The following SEMA5A variants were observed in gnomAD, a reference collection of about 807,000 sequenced individuals.
SEMA5A encodes semaphorin-5A.
In SEMA5A, 55 loss-of-function variants were observed where a neutral mutation model predicts 135.5. That is an observed-to-expected ratio of 0.41 (90% CI 0.33 to 0.51). SEMA5A has a LOEUF of 0.51. Among genes scored for constraint, SEMA5A ranks in the 20% least tolerant of loss-of-function variants. The pLI, the probability that SEMA5A is intolerant of heterozygous loss-of-function variation, is 0.37. For missense variants in SEMA5A, 1,290 were observed against 1,419.9 expected (o/e 0.91, Z 1.47); for synonymous variants, 580 against 546.5 (o/e 1.06, Z -0.85).
chr5:9,282,836 G>A (rs1415248511), intron 5 of SEMA5A, among the ~76,000 whole-genome samples: 1 of 152,136 alleles, frequency 6.6e-6, no homozygotes, highest in Non-Finnish European at 1.5e-5. Context: ...TAAAACCTGT[G>A]ACCATGTTAT....
intron 1 of SEMA5A, among the ~76,000 whole-genome samples, chr5:9,449,839 T>C (rs1758570741): frequency 6.6e-6 from 1 of 152,124 alleles, no homozygotes. Flanking sequence ...TTCTTACAAG[T>C]TGCTAGAGAA....
chr5:9,304,153 G>A lies in SEMA5A; in HGVS notation c.270+14219C>T, dbSNP rs187647753. On this transcript the variant is annotated intron_variant, in intron 5 of 22. Transcript: ENST00000382496. The stretch of plus-strand genomic sequence containing the variant: ...ATTGGAGCAGTTTTCTTGGATGCCT[G>A]TTTTCTCTTGTATACCTATTTATCT... Among the ~76,000 whole-genome samples, 7 of 152,096 alleles carry A rather than the reference G, an allele frequency of 4.6e-5. No homozygotes were observed. In the East Asian group the frequency reaches 1.2e-3, roughly 25 times the overall value.
intron 15 of SEMA5A, among the ~76,000 whole-genome samples, chr5:9,111,290 A>G (rs918254845): frequency 6.6e-6 from 1 of 152,174 alleles, no homozygotes; most frequent in African/African-American, 2.4e-5. Flanking sequence ...CCTAAAAACA[A>G]CAACAAAAAA....
rs576759343 is a variant in SEMA5A, at chr5:9,399,540, CAGT to C, written c.-77-19520_-77-19518del. Among the ~76,000 whole-genome samples, 265 of 152,176 alleles carry C rather than the reference CAGT, an allele frequency of 1.7e-3. 4 individuals carry two copies. Among genetic ancestry groups the C allele is most frequent in the African/African-American group, 6.1e-3 (254 of 41,528 alleles). On this transcript the variant is annotated intron_variant, in intron 2 of 22. Transcript: ENST00000382496. ...ATCAGAATGTTCTAAATTTAGATAA[CAGT>C]GGTGGTTACACAGCTCTGTGAATGT...
intron 1 of SEMA5A, among the ~76,000 whole-genome samples, chr5:9,499,187 A>C (rs772608789): frequency 6.6e-6 from 1 of 152,216 alleles, no homozygotes; most frequent in Non-Finnish European, 1.5e-5. Context: ...ACTCTTCACA[A>C]TAATCCAAGT....
At chr5:9,111,616 A>G (rs1262737642) in intron 15 of SEMA5A, among the ~76,000 whole-genome samples, 2 of 152,192 alleles carry the variant, frequency 1.3e-5, no homozygotes, top group African/African-American at 4.8e-5. Flanking sequence ...TCCATGAAAC[A>G]AGCCACACCA....
intron 8 of SEMA5A, among the ~76,000 whole-genome samples, chr5:9,221,802 G>T (rs538964453): frequency 2.0e-5 from 3 of 152,292 alleles, no homozygotes; most frequent in South Asian, 4.1e-4. Flanking sequence ...AAACCCTTTA[G>T]AACCTAACAT....
intron 5 of SEMA5A, among the ~76,000 whole-genome samples, chr5:9,312,738 A>AT (rs932950104): frequency 3.3e-5 from 5 of 151,924 alleles, no homozygotes; most frequent in East Asian, 1.9e-4. Context: ...AAAAGACAAG[A>AT]TTTTTTTTGG....
chr5:9,445,903 T>G (rs1758415945), intron 1 of SEMA5A, among the ~76,000 whole-genome samples: 1 of 152,122 alleles, frequency 6.6e-6, no homozygotes, highest in Non-Finnish European at 1.5e-5. Flanking sequence ...CTTCTACAAG[T>G]TGTATCCAAA....
intron 11 of SEMA5A, among the ~76,000 whole-genome samples, chr5:9,156,922 G>A (rs1423266899): frequency 6.6e-6 from 1 of 152,244 alleles, no homozygotes; most frequent in Non-Finnish European, 1.5e-5. Flanking sequence ...ATCTGTGATA[G>A]TTTGACTTAA....
intron 2 of SEMA5A, among the ~76,000 whole-genome samples, chr5:9,425,992 G>C (rs2126642441): frequency 6.6e-6 from 1 of 152,274 alleles, no homozygotes; most frequent in East Asian, 1.9e-4. Flanking sequence ...GAACCTGCAT[G>C]CTTGTTGAGA....
intron 16 of SEMA5A, among the ~76,000 whole-genome samples, chr5:9,105,462 T>A (rs1014642571): frequency 3.3e-5 from 5 of 152,224 alleles, no homozygotes; most frequent in Admixed American, 6.5e-5. Flanking sequence ...AAATTGAGGT[T>A]TTTATACTTT....
At chr5:9,087,331 T>C (rs1271464317) in intron 16 of SEMA5A, among the ~76,000 whole-genome samples, 1 of 152,196 alleles carries the variant, frequency 6.6e-6, no homozygotes, top group African/African-American at 2.4e-5. Flanking sequence ...CATATGGCAA[T>C]GATATAAAAC....
chr5:9,523,678 T>C (rs1736960653), intron 1 of SEMA5A, among the ~76,000 whole-genome samples: 1 of 152,118 alleles, frequency 6.6e-6, no homozygotes. Flanking sequence ...CATACAGGCA[T>C]ACAAAAATCA....
intron 16 of SEMA5A, among the ~76,000 whole-genome samples, chr5:9,090,621 A>C (rs915930061): frequency 2.6e-5 from 4 of 152,188 alleles, no homozygotes; most frequent in African/African-American, 9.7e-5. Flanking sequence ...AATGCTGCCA[A>C]TGTGTTTCAC....
chr5:9,504,341 TAC>T (rs1284657169), intron 1 of SEMA5A, among the ~76,000 whole-genome samples: 3 of 151,666 alleles, frequency 2.0e-5, no homozygotes, highest in Non-Finnish European at 4.4e-5. Flanking sequence ...TTTTTACAAA[TAC>T]AGTTTCCACA....
chr5:9,136,309 A>C (rs574979891), intron 13 of SEMA5A, among the ~76,000 whole-genome samples, 195 bp downstream of exon 13: 5 of 152,238 alleles, frequency 3.3e-5, no homozygotes, highest in Non-Finnish European at 5.9e-5. Context: ...AAACAGACAA[A>C]AAAACCTATA....
chr5:9,508,014 A>T (rs2055962), intron 1 of SEMA5A, among the ~76,000 whole-genome samples: 4 of 147,608 alleles, frequency 2.7e-5, no homozygotes, highest in African/African-American at 1.0e-4. Flanking sequence ...AAAAAAAAAA[A>T]AAAGAAAAGA....
In SEMA5A at chr5:9,385,683, A is replaced by T. The variant is rs574916264; in HGVS notation, c.-77-5660T>A. ...ACAGCAGGACAATCCTTAGTACCAA[A>T]AGGCTGAAGCGATTGCTGCATGTGT... On this transcript the variant is annotated intron_variant, in intron 2 of 22. Transcript: ENST00000382496. 1.2e-4 allele frequency among the ~76,000 whole-genome samples: 18 copies of T among 152,244 alleles called. No homozygotes were observed. In the South Asian group the frequency reaches 2.9e-3, roughly 25 times the overall value.
Sources: allele counts gnomAD v4.1 joint callset (sites outside exome capture counted in the v4.1 genomes callset), GRCh38; gene constraint gnomAD v4.1.1; transcripts MANE v1.5; gene names NCBI Gene and HGNC (gene_info 2026-07-23, HGNC 2026-07-21).